The following DDR2 variants were observed in gnomAD, a reference collection of about 807,000 sequenced individuals.
DDR2 encodes discoidin domain-containing receptor 2.
In DDR2, 27 loss-of-function variants were observed where a neutral mutation model predicts 94.9. The observed-to-expected ratio is 0.28, with a 90% CI of 0.21 to 0.39. The LOEUF (loss-of-function observed/expected upper bound fraction) is 0.39, where lower values mean the gene tolerates loss of function less well. Among genes scored for constraint, DDR2 ranks in the 10% least tolerant of loss-of-function variants. The pLI is 1.00. For synonymous variants in DDR2, 382 were observed against 377.2 expected (o/e 1.01, Z -0.15); for missense variants, 783 against 1,076.0 (o/e 0.73, Z 3.81).
At chr1:162,647,415 C>G (rs1558003525) in intron 1 of DDR2, among the ~76,000 whole-genome samples, 1 of 152,244 alleles carries the variant, frequency 6.6e-6, no homozygotes, top group East Asian at 1.9e-4. Flanking sequence ...CCAATCTACA[C>G]CCCAAGAGAG....
chr1:162,689,997 C>T (rs1341748597), intron 2 of DDR2, among the ~76,000 whole-genome samples: 1 of 141,456 alleles, frequency 7.1e-6, no homozygotes, highest in Non-Finnish European at 1.5e-5. Context: ...GCCTGGGTGA[C>T]AAGGCAAGAC....
At chr1:162,720,036 T>C (rs1661349158) in intron 3 of DDR2, among the ~76,000 whole-genome samples, 2 of 152,204 alleles carry the variant, frequency 1.3e-5, no homozygotes, top group Non-Finnish European at 2.9e-5. Flanking sequence ...TCATGTTTAC[T>C]AAGTCTCATT....
chr1:162,748,652 G>A (rs1203912348), intron 3 of DDR2, among the ~76,000 whole-genome samples: 6 of 152,166 alleles, frequency 3.9e-5, no homozygotes, highest in Non-Finnish European at 8.8e-5. Flanking sequence ...GCACCAAGTG[G>A]ACCTAATAGA....
chr1:162,759,648 C>T, intron 7 of DDR2, 148 bp from the exon 8 acceptor site: 3 of 891,108 alleles, frequency 3.4e-6, no homozygotes, highest in Admixed American at 4.3e-5. Context: ...TACTATAATG[C>T]AAATCTGATT....
intron 1 of DDR2, among the ~76,000 whole-genome samples, chr1:162,641,993 C>G (rs1013586236): frequency 2.6e-5 from 4 of 152,140 alleles, no homozygotes; most frequent in African/African-American, 9.7e-5. Context: ...CCCTGTCGCC[C>G]AGGCTAGAGT....
At chr1:162,779,205 T>G (rs1647759996) in intron 17 of DDR2, among the ~76,000 whole-genome samples, 1 of 152,192 alleles carries the variant, frequency 6.6e-6, no homozygotes. Context: ...CTTGTTGCTC[T>G]TGGAAGGCAT....
intron 11 of DDR2, among the ~76,000 whole-genome samples, chr1:162,769,149 C>T (rs1466879391): frequency 6.6e-6 from 1 of 152,184 alleles, no homozygotes; most frequent in East Asian, 1.9e-4. Flanking sequence ...GGAATATCTT[C>T]ATGGGCTAAG....
chr1:162,726,694 C>T (rs1308854808), intron 3 of DDR2, among the ~76,000 whole-genome samples: 1 of 152,132 alleles, frequency 6.6e-6, no homozygotes, highest in Non-Finnish European at 1.5e-5. Context: ...CTGGACCTCT[C>T]AGTTTTCACA....
At chr1:162,703,458 G>A (rs1226509684) in intron 2 of DDR2, among the ~76,000 whole-genome samples, 1 of 152,184 alleles carries the variant, frequency 6.6e-6, no homozygotes, top group Non-Finnish European at 1.5e-5. Context: ...AAGAGGGTGT[G>A]TGCCAGAGCA....
intron 2 of DDR2, among the ~76,000 whole-genome samples, chr1:162,718,773 A>G (rs1661283113): frequency 6.6e-6 from 1 of 152,128 alleles, no homozygotes; most frequent in Admixed American, 6.6e-5. Flanking sequence ...TCTTAGGAAA[A>G]CTTCGTGTGT....
At chr1:162,743,612 A>G (rs576765401) in intron 3 of DDR2, among the ~76,000 whole-genome samples, 5 of 152,352 alleles carry the variant, frequency 3.3e-5, no homozygotes, top group East Asian at 3.9e-4. Flanking sequence ...GTGAATGAAC[A>G]TAAAGGCCTG....
intron 2 of DDR2, among the ~76,000 whole-genome samples, chr1:162,698,579 A>T (rs1660293985): frequency 6.6e-6 from 1 of 152,134 alleles, no homozygotes; most frequent in Non-Finnish European, 1.5e-5. Context: ...GCTGGGTTGA[A>T]ATCTAGCACT....
At position 162,786,139 on chromosome 1, in the gene DDR2, G is replaced by T. The variant is rs561411364; in HGVS notation, c.*5893G>T. 2.6e-5 allele frequency: 4 copies of T among 152,324 alleles called. No homozygotes were observed. In the East Asian group the frequency reaches 7.7e-4, roughly 29 times the overall value. The allele number at this position is 152,324 out of a possible 1,614,324, so 9.4% of individuals were successfully genotyped here. A position where few individuals can be genotyped will look rare whatever the true frequency, so the allele number is the denominator to read the frequency against. Reference sequence around the variant, plus strand: ...AGGTAATCACTTTCAGTGAAAAACTGTTTTCTTGAAAACAGGCTTGGACAC... The same window carrying T: ...AGGTAATCACTTTCAGTGAAAAACTTTTTTCTTGAAAACAGGCTTGGACAC... On this transcript the variant is annotated 3_prime_UTR_variant, in exon 18 of 18. Coordinates refer to ENST00000367921, the MANE Select transcript of DDR2 (RefSeq NM_006182.4).
chr1:162,643,544 C>T (rs1012173145), intron 1 of DDR2, among the ~76,000 whole-genome samples: 8 of 152,058 alleles, frequency 5.3e-5, no homozygotes, highest in Admixed American at 1.3e-4. Flanking sequence ...TGCAGAGGCT[C>T]GGTCTTGGCT....
In DDR2 at chr1:162,642,464, T is replaced by C. The variant is rs1393077338; in HGVS notation, c.-192+9833T>C. ...ATTTTCTGTGTTTTTTTTTTTTTTTTCTTTCAGTAGAGATGGGGTTTTTTC... is the reference window on the plus strand; with the variant it reads ...ATTTTCTGTGTTTTTTTTTTTTTTTCCTTTCAGTAGAGATGGGGTTTTTTC... On this transcript the variant is annotated intron_variant, in intron 1 of 17. Transcript: ENST00000367921. 6.8e-4 allele frequency among the ~76,000 whole-genome samples: 95 copies of C among 139,470 alleles called. 1 individual carries two copies. The highest frequency in any genetic ancestry group is 1.7e-4 in the Non-Finnish European group (11 of 64,710). The allele number at this position is 139,470 out of a possible 152,430, so 91.5% of individuals were successfully genotyped here.
intron 1 of DDR2, among the ~76,000 whole-genome samples, chr1:162,642,778 C>A (rs934946982): frequency 6.6e-6 from 1 of 152,108 alleles, no homozygotes; most frequent in African/African-American, 2.4e-5. Context: ...TTTAACCTTT[C>A]CCTCTCTCAC....
chr1:162,670,901 G>T (rs1170442252), intron 2 of DDR2, among the ~76,000 whole-genome samples: 1 of 152,200 alleles, frequency 6.6e-6, no homozygotes, highest in Non-Finnish European at 1.5e-5. Flanking sequence ...AGTGGTGGGA[G>T]GCCCGAGGGT....
At chr1:162,663,069 G>A (rs1571163357) in intron 2 of DDR2, among the ~76,000 whole-genome samples, 1 of 152,158 alleles carries the variant, frequency 6.6e-6, no homozygotes, top group East Asian at 1.9e-4. Flanking sequence ...AACTAAGAAA[G>A]TGAATATGTA....
At chr1:162,693,251 C>T (rs1660037147) in intron 2 of DDR2, among the ~76,000 whole-genome samples, 3 of 152,146 alleles carry the variant, frequency 2.0e-5, no homozygotes, top group South Asian at 4.1e-4. Context: ...GTGGTGATAA[C>T]ACAGGTATGT....
Sources: allele counts gnomAD v4.1 joint callset (sites outside exome capture counted in the v4.1 genomes callset), GRCh38; gene constraint gnomAD v4.1.1; transcripts MANE v1.5; gene names NCBI Gene and HGNC (gene_info 2026-07-23, HGNC 2026-07-21).